KMT2C: variants seen among roughly 807,000 people sequenced by gnomAD.
KMT2C encodes the protein lysine methyltransferase 2C, also known as histone-lysine N-methyltransferase 2C.
In KMT2C, 88 loss-of-function variants were observed where a neutral mutation model predicts 507.9. The ratio of observed to expected loss-of-function variants is 0.17; its 90% CI spans 0.15 to 0.21. KMT2C has a LOEUF of 0.21. KMT2C is among the 10% of genes least tolerant of loss of function. The pLI, the probability that KMT2C is intolerant of heterozygous loss-of-function variation, is 1.00. For synonymous variants in KMT2C, 2,049 were observed against 2,080.8 expected (o/e 0.98, Z 0.42); for missense variants, 4,954 against 5,957.8 (o/e 0.83, Z 5.55).
chr7:152,401,962 T>C (rs1418246291), intron 1 of KMT2C, among the ~76,000 whole-genome samples: 1 of 152,286 alleles, frequency 6.6e-6, no homozygotes, highest in Non-Finnish European at 1.5e-5. Flanking sequence ...AATACAAAAT[T>C]AGCCAGGCAT....
At chr7:152,230,629 A>G (rs2095078718) in intron 16 of KMT2C, among the ~76,000 whole-genome samples, 1 of 152,228 alleles carries the variant, frequency 6.6e-6, no homozygotes, top group Non-Finnish European at 1.5e-5. Context: ...TAATATATGT[A>G]TGTACCCACA....
chr7:152,272,017 C>T (rs1160881567), intron 7 of KMT2C, among the ~76,000 whole-genome samples: 8 of 151,880 alleles, frequency 5.3e-5, no homozygotes, highest in Admixed American at 5.3e-4. Context: ...TCTCTATTAC[C>T]TTCATATTTA....
intron 1 of KMT2C, among the ~76,000 whole-genome samples, chr7:152,385,395 G>A (rs1401108897): frequency 7.5e-6 from 1 of 133,896 alleles, no homozygotes; most frequent in East Asian, 2.1e-4. Flanking sequence ...GGCGGATCAC[G>A]AGGTCAGGAG....
At chr7:152,208,928 G>C (rs1268570485) in intron 23 of KMT2C, among the ~76,000 whole-genome samples, 3 of 151,998 alleles carry the variant, frequency 2.0e-5, no homozygotes, top group Non-Finnish European at 2.9e-5. Flanking sequence ...CACTTTGGGA[G>C]GCTAAAGCAG....
chr7:152,388,122 AT>A (rs1469693666), intron 1 of KMT2C, among the ~76,000 whole-genome samples: 2 of 117,734 alleles, frequency 1.7e-5, no homozygotes, highest in South Asian at 2.9e-4. Flanking sequence ...ATAAATAAAA[AT>A]AAAATAAAAA....
chr7:152,136,990 T>C, intron 58 of KMT2C, 66 bp from the exon 59 acceptor site: 1 of 1,196,332 alleles, frequency 8.4e-7, no homozygotes, highest in Non-Finnish European at 1.2e-6. Flanking sequence ...TCTGCCTCCA[T>C]CTCCCTTGCA....
Position 152,400,871 on chromosome 7 carries a change from A to C in KMT2C, c.161+34755T>G, listed in dbSNP as rs2097568270. Among the ~76,000 whole-genome samples, 3 of 148,034 alleles carry C rather than the reference A, an allele frequency of 2.0e-5. No individual in the cohort carries two copies. In the South Asian group the frequency reaches 6.6e-4, roughly 33 times the overall value. On this transcript the variant is annotated intron_variant, in intron 1 of 58. Transcript: ENST00000262189. ...TCTAGCCCAAACTGAAGGAAATAGG[A>C]CTAAGGGAAAGCAGGGGAGGGTGGG...
intron 24 of KMT2C, among the ~76,000 whole-genome samples, chr7:152,205,669 C>T (rs1375390850): frequency 6.6e-6 from 1 of 151,478 alleles, no homozygotes; most frequent in Non-Finnish European, 1.5e-5. Flanking sequence ...ACAGACATCA[C>T]CGTAGTTATA....
At chr7:152,396,664 G>A (rs1331033161) in intron 1 of KMT2C, among the ~76,000 whole-genome samples, 1 of 152,154 alleles carries the variant, frequency 6.6e-6, no homozygotes, top group African/African-American at 2.4e-5. Flanking sequence ...GTGCCAAAGT[G>A]ATTTAGTAAA....
Position 152,135,398 on chromosome 7 carries a change from G to GT in KMT2C, c.*1433dup, listed in dbSNP as rs538966942. The GT allele has an allele frequency of 3.3e-3, 716 of 215,476 alleles. 4 individuals are homozygous for GT. Among genetic ancestry groups the GT allele is most frequent in the African/African-American group, 0.011 (493 of 44,276 alleles). 13.3% of individuals were successfully genotyped at this position (215,476 alleles called of 1,614,324 possible). A position where few individuals can be genotyped will look rare whatever the true frequency, so the allele number is the denominator to read the frequency against. On this transcript the variant is annotated 3_prime_UTR_variant, in exon 59 of 59. Transcript: ENST00000262189. ...TTTCTACAAGCAAACACAAAACAGT[G>GT]TTTTTTTTATTAAAGAAATGTAAAC...
chr7:152,330,474 G>A, intron 3 of KMT2C, 127 bp downstream of exon 3: 2 of 881,918 alleles, frequency 2.3e-6, no homozygotes, highest in Non-Finnish European at 3.6e-6. Flanking sequence ...TTCAAATTTA[G>A]CTACTAAATC....
At chr7:152,238,393 T>G (rs2095324412) in intron 15 of KMT2C, among the ~76,000 whole-genome samples, 2 of 152,178 alleles carry the variant, frequency 1.3e-5, no homozygotes, top group Non-Finnish European at 2.9e-5. Flanking sequence ...TTTTGCTTTT[T>G]TCTAAGCAAC....
intron 3 of KMT2C, among the ~76,000 whole-genome samples, chr7:152,329,809 T>C (rs941705301): frequency 1.3e-5 from 2 of 151,944 alleles, no homozygotes; most frequent in African/African-American, 4.8e-5. Flanking sequence ...GTCTTTCAAA[T>C]AAGGTCTAAA....
intron 23 of KMT2C, 145 bp from the exon 24 acceptor site, chr7:152,207,573 A>T: frequency 1.5e-6 from 1 of 685,948 alleles, no homozygotes; most frequent in South Asian, 1.9e-5. Flanking sequence ...AAGGAGATAG[A>T]AGAAGCCCCA....
At chr7:152,350,651 T>A (rs1409939339) in intron 2 of KMT2C, among the ~76,000 whole-genome samples, 1 of 152,210 alleles carries the variant, frequency 6.6e-6, no homozygotes, top group African/African-American at 2.4e-5. Context: ...ATGGTGCTTG[T>A]GGGACTAGAA....
chr7:152,275,911 GGC>G (rs2096071791), intron 6 of KMT2C, among the ~76,000 whole-genome samples: 1 of 151,986 alleles, frequency 6.6e-6, no homozygotes, highest in Non-Finnish European at 1.5e-5. Flanking sequence ...AAATAATCTT[GGC>G]AGATAAAATA....
At chr7:152,353,826 T>C (rs536947794) in intron 2 of KMT2C, among the ~76,000 whole-genome samples, 6 of 152,242 alleles carry the variant, frequency 3.9e-5, no homozygotes, top group Non-Finnish European at 1.5e-5. Context: ...TACAAAACAT[T>C]AAGTAAGCAT....
chr7:152,369,272 A>G (rs1259745775), intron 1 of KMT2C, among the ~76,000 whole-genome samples: 1 of 152,082 alleles, frequency 6.6e-6, no homozygotes, highest in Non-Finnish European at 1.5e-5. Context: ...GCAGTGAACC[A>G]AGATCACGCC....
chr7:152,182,823 T>A, intron 35 of KMT2C, 151 bp downstream of exon 35: 1 of 654,302 alleles, frequency 1.5e-6, no homozygotes, highest in Non-Finnish European at 2.5e-6. Flanking sequence ...CTCAAATCAA[T>A]TTAAATATAT....
Sources: allele counts gnomAD v4.1 joint callset (sites outside exome capture counted in the v4.1 genomes callset), GRCh38; gene constraint gnomAD v4.1.1; transcripts MANE v1.5; gene names NCBI Gene and HGNC (gene_info 2026-07-23, HGNC 2026-07-21).